SNX1: variants seen among roughly 807,000 people sequenced by gnomAD.
SNX1 encodes sorting nexin-1.
SNX1 carries 36 observed loss-of-function variants against 71.8 expected under a neutral mutation model. The ratio of observed to expected loss-of-function variants is 0.50; its 90% confidence interval spans 0.38 to 0.66. The LOEUF is 0.66. Among genes scored for constraint, SNX1 ranks in the 30% least tolerant of loss-of-function variants. The probability of loss-of-function intolerance (pLI) is 0.00; values close to 1 mark genes in which losing one functional copy is unlikely to be tolerated. For synonymous variants in SNX1, 254 were observed against 240.7 expected (o/e 1.06, Z -0.51); for missense variants, 612 against 646.7 (o/e 0.95, Z 0.58).
rs144190639 is a variant in SNX1, at chr15:64,135,794, C to T, written c.1366-536C>T. On this transcript the variant is annotated intron_variant, in intron 12 of 14. Coordinates refer to ENST00000559844, the MANE Select transcript of SNX1 (RefSeq NM_003099.5). ...AAAAAAAATTAGACGTGATGGCACA[C>T]GCCTGTAGTCCTAGCTACTCAGGAG... is the stretch of plus-strand genomic sequence containing the variant. 4.5e-3 allele frequency among the ~76,000 whole-genome samples: 682 copies of T among 150,956 alleles called. 5 individuals are homozygous for T. Among genetic ancestry groups the T allele is most frequent in the African/African-American group, 0.015 (627 of 40,756 alleles).
At chr15:64,137,045 T>A in intron 14 of SNX1, 113 bp downstream of exon 14, 1 of 750,310 alleles carries the variant, frequency 1.3e-6, no homozygotes, top group Non-Finnish European at 2.3e-6. Context: ...GGCTGGGCCC[T>A]CCTATAGTCC....
In SNX1 at chr15:64,134,115, G is replaced by A. The variant is rs2081333814; in HGVS notation, c.1222-549G>A. On this transcript the variant is annotated intron_variant, in intron 11 of 14. Transcript: ENST00000559844. This position sits in a 1 kb window ranked among gnomAD's most constrained non-coding sequence, Gnocchi z 4.1. ...GTTTAAAGGCTGGGTCCTTAGGGTG[G>A]ACTTCCCTGACATATTTCCCAGGCT... 6.6e-6 allele frequency: 1 copy of A among 152,254 alleles called. No individual in the cohort carries two copies. The highest frequency in any genetic ancestry group is 2.4e-5 in the African/African-American group (1 of 41,424). The allele number at this position is 152,254 out of a possible 1,614,324, so 9.4% of individuals were successfully genotyped here. A position where few individuals can be genotyped will look rare whatever the true frequency, so the allele number is the denominator to read the frequency against.
intron 4 of SNX1, among the ~76,000 whole-genome samples, chr15:64,120,685 T>TA (rs1720585156): frequency 6.6e-6 from 1 of 151,790 alleles, no homozygotes; most frequent in African/African-American, 2.4e-5. Flanking sequence ...TACAAAAAAA[T>TA]AAAAAATTAC....
intron 5 of SNX1, among the ~76,000 whole-genome samples, 167 bp downstream of exon 5, chr15:64,123,713 C>G (rs2081218749): frequency 6.6e-6 from 1 of 152,178 alleles, no homozygotes; most frequent in Non-Finnish European, 1.5e-5. Context: ...CATCTGGGTA[C>G]TCCAGACTGA....
intron 4 of SNX1, among the ~76,000 whole-genome samples, chr15:64,120,741 C>G (rs936424568): frequency 6.6e-6 from 1 of 151,850 alleles, no homozygotes; most frequent in Non-Finnish European, 1.5e-5. Flanking sequence ...CTTGGGAGGC[C>G]GAGGTGGGAG....
intron 12 of SNX1, among the ~76,000 whole-genome samples, chr15:64,135,602 T>C (rs1467656088): frequency 6.6e-6 from 1 of 150,876 alleles, no homozygotes; most frequent in Non-Finnish European, 1.5e-5. Flanking sequence ...CTAAAAAAAA[T>C]ACAAAAATTA....
chr15:64,138,288 T>C lies in SNX1; in HGVS notation c.*670T>C, dbSNP rs2081381985. The C allele has an allele frequency of 2.4e-6, 3 of 1,224,504 alleles. No homozygotes were observed. The highest frequency in any genetic ancestry group is 3.2e-6 in the Non-Finnish European group (3 of 925,204). The allele number at this position is 1,224,504 out of a possible 1,614,324, so 75.9% of individuals were successfully genotyped here. The stretch of plus-strand genomic sequence containing the variant: ...AAGAGGAGCAAAATCTATTAAAACC[T>C]ATTCTCCTGCAAAGGAGGCAGAGAC... On this transcript the variant is annotated 3_prime_UTR_variant, in exon 15 of 15. Coordinates refer to ENST00000559844, the MANE Select transcript of SNX1 (RefSeq NM_003099.5).
rs1333621955 is a variant in SNX1 at position 64,129,479 on chromosome 15, TTTG to T, written c.808-434_808-432del. Among the ~76,000 whole-genome samples, 1 of 152,230 alleles carries T rather than the reference TTTG, an allele frequency of 6.6e-6. No individual in the cohort carries two copies. The highest frequency in any genetic ancestry group is 1.5e-5 in the Non-Finnish European group (1 of 68,036). On this transcript the variant is annotated intron_variant, in intron 8 of 14. Coordinates refer to ENST00000559844, the MANE Select transcript of SNX1 (RefSeq NM_003099.5). This position sits in a 1 kb window ranked among gnomAD's most constrained non-coding sequence, Gnocchi z 4.4. The stretch of plus-strand genomic sequence containing the variant: ...TCAATAATTTTCTTGTCCTCGGATA[TTTG>T]TTCACTGAAGAAAATTCGAACACAG...
rs752114450 is a variant in SNX1 at position 64,127,808 on chromosome 15, T to TTAG, written c.807+5_807+7dup. The TTAG allele has an allele frequency of 4.5e-5, 73 of 1,611,362 alleles. No homozygotes were observed. Among genetic ancestry groups the TTAG allele is most frequent in the Non-Finnish European group, 6.1e-5 (72 of 1,177,688 alleles). On this transcript the variant is annotated splice_region_variant and intron_variant, in intron 8 of 14. Transcript: ENST00000559844. ...AGAGAGTTCTTGGAAAAAGAAGAGG[T>TTAG]TAGTATTCAGTGCAAACTGAATTTC...
intron 11 of SNX1, among the ~76,000 whole-genome samples, chr15:64,133,075 A>G (rs1481914511): frequency 6.6e-6 from 1 of 152,228 alleles, no homozygotes; most frequent in Non-Finnish European, 1.5e-5. Flanking sequence ...GCTTAGAGCT[A>G]CATGGGCTGG....
chr15:64,096,063 C>G lies in SNX1; in HGVS notation c.50C>G (p.Pro17Arg), dbSNP rs1217920055. Reference protein sequence around the residue: ...GCSASERLPPPFPGLEPESEG... With the variant: ...GCSASERLPPRFPGLEPESEG... ...AGCGCTTCGGAGAGACTGCCTCCGC[C>G]CTTCCCCGGCCTGGAGCCGGAGTCC... is the stretch of plus-strand genomic sequence containing the variant. Residue 17 changes from proline to arginine, a missense_variant, in exon 1 of 15, where the codon CCC (proline) becomes CGC (arginine). Physicochemically the swap from Pro to Arg is moderately radical, Grantham distance 103. Coordinates refer to ENST00000559844, the MANE Select transcript of SNX1 (RefSeq NM_003099.5). 1 of 1,584,860 alleles carries G rather than the reference C, an allele frequency of 6.3e-7. No homozygotes were observed. Among genetic ancestry groups the G allele is most frequent in the South Asian group, 1.1e-5 (1 of 87,438 alleles).
chr15:64,111,501 A>G (rs1351180256), intron 1 of SNX1: 4 of 152,220 alleles, frequency 2.6e-5, no homozygotes, highest in African/African-American at 9.6e-5. Flanking sequence ...GGAAATATCA[A>G]ACAAGGGTTT....
intron 1 of SNX1, among the ~76,000 whole-genome samples, chr15:64,098,426 A>G (rs1218132597): frequency 1.3e-5 from 2 of 152,218 alleles, no homozygotes; most frequent in African/African-American, 2.4e-5. Context: ...GCCGAGTGCC[A>G]TGCACACGTG....
chr15:64,123,363 G>A, intron 4 of SNX1, 140 bp from the exon 5 acceptor site: 1 of 711,404 alleles, frequency 1.4e-6, no homozygotes, highest in Non-Finnish European at 2.4e-6. Context: ...TTCTAAGATT[G>A]CATATAAAGC....
rs2081407048 is a variant in SNX1 at position 64,140,983 on chromosome 15, TGATAGATAGATAGATAG to T, written c.*3366_*3382del. ...GCTCTCACCATACAGTGCAAAGAGA[TGATAGATAGATAGATAG>T]ATAGATAGATAGATAGATAGATAGA... On this transcript the variant is annotated 3_prime_UTR_variant, in exon 15 of 15. Transcript: ENST00000559844. 6.7e-6 allele frequency: 1 copy of T among 148,780 alleles called. No individual in the cohort carries two copies. The highest frequency in any genetic ancestry group is 2.5e-5 in the African/African-American group (1 of 39,648). The allele number at this position is 148,780 out of a possible 1,614,324, so 9.2% of individuals were successfully genotyped here. A position where few individuals can be genotyped will look rare whatever the true frequency, so the allele number is the denominator to read the frequency against.
chr15:64,113,213 G>A lies in SNX1; in HGVS notation c.271+529G>A, dbSNP rs539877728. 1.4e-4 allele frequency among the ~76,000 whole-genome samples: 22 copies of A among 152,306 alleles called. 1 individual carries two copies. The East Asian group carries it at 3.3e-3, about 23-fold the overall frequency. On this transcript the variant is annotated intron_variant, in intron 2 of 14. Coordinates refer to ENST00000559844, the MANE Select transcript of SNX1 (RefSeq NM_003099.5). Reference sequence around the variant, plus strand: ...TGATTTCACAATCCACCAACAAGCTGTAACCTCCAGTTTGAAAAACACTAG... The same window carrying A: ...TGATTTCACAATCCACCAACAAGCTATAACCTCCAGTTTGAAAAACACTAG...
chr15:64,095,992 C>A lies in SNX1; in HGVS notation c.-22C>A. On this transcript the variant is annotated 5_prime_UTR_variant, in exon 1 of 15. Coordinates refer to ENST00000559844, the MANE Select transcript of SNX1 (RefSeq NM_003099.5). ...TCTCTCGATAAAGTTGTTGTTGCGG[C>A]TTCCGCCGCGGGTGGAAGAAGATGG... The A allele has an allele frequency of 6.3e-7, 1 of 1,593,026 alleles. No homozygotes were observed.
In SNX1 at chr15:64,141,272, TTC is replaced by T. The variant is rs1555494291; in HGVS notation, c.*3655_*3656del. 1.3e-5 allele frequency: 2 copies of T among 152,228 alleles called. No individual in the cohort carries two copies. Among genetic ancestry groups the T allele is most frequent in the African/African-American group, 4.8e-5 (2 of 41,462 alleles). The allele number at this position is 152,228 out of a possible 1,614,324, so 9.4% of individuals were successfully genotyped here. ...TCTGACGTAAGTCTGTTTTTCTTAT[TTC>T]CTTGGAATGATGTCTCCTCTGGTTT... is the stretch of plus-strand genomic sequence containing the variant. On this transcript the variant is annotated 3_prime_UTR_variant, in exon 15 of 15. Transcript: ENST00000559844. This position sits in a 1 kb window ranked among gnomAD's most constrained non-coding sequence, Gnocchi z 5.1.
Position 64,118,254 on chromosome 15 carries a change from T to C in SNX1, c.399+10T>C. ...GCCAACCTATGAGGAGGTGAGGATC[T>C]GTGCTCTTGGTCTTATCGCTTTTAG... On this transcript the variant is annotated intron_variant, in intron 3 of 14. Coordinates refer to ENST00000559844, the MANE Select transcript of SNX1 (RefSeq NM_003099.5). 6.2e-7 allele frequency: 1 copy of C among 1,610,108 alleles called. No individual in the cohort carries two copies.
Sources: gnomAD v4.1 joint callset for allele counts (sites outside exome capture counted in the v4.1 genomes callset) on GRCh38, gnomAD v4.1.1 for gene constraint, Gnocchi (gnomAD v3.1) non-coding constraint, MANE v1.5 for transcripts, NCBI Gene and HGNC (gene_info 2026-07-23, HGNC 2026-07-21) for gene names.